Variants in RASIP1 observed in about 807,000 individuals in gnomAD.
RASIP1 encodes the protein Ras interacting protein 1.
A neutral mutation model predicts 85.3 loss-of-function variants in RASIP1; 20 were observed. The ratio of observed to expected loss-of-function variants is 0.23; its 90% CI spans 0.17 to 0.34. The LOEUF (loss-of-function observed/expected upper bound fraction) is 0.34. Ranked by LOEUF, RASIP1 falls within the 10% of genes least tolerant of loss-of-function variation. RASIP1 has a pLI of 1.00. For synonymous variants in RASIP1, 617 were observed against 647.1 expected, an observed-to-expected ratio of 0.95 and a Z score of 0.71; for missense variants, 1,170 against 1,390.9, an observed-to-expected ratio of 0.84 and a Z score of 2.53.
intron 4 of RASIP1, among the ~76,000 whole-genome samples, chr19:48,732,458 G>A (rs370160362): frequency 1.3e-5 from 2 of 151,894 alleles, no homozygotes; most frequent in East Asian, 1.9e-4. Context: ...GTTTCACCGT[G>A]TTAGCCAGGA....
Position 48,729,568 on chromosome 19 carries a change from G to A in RASIP1, c.1202C>T (p.Thr401Met), listed in dbSNP as rs746748606. ...DAQDFVVYVMTREQHVFGRGG... is the reference protein window; with the variant it reads ...DAQDFVVYVMMREQHVFGRGG... ...TCGCCCAAACACGTGCTGCTCTCGC[G>A]TCATCACATACACCACAAAGTCCTG... is the stretch of plus-strand genomic sequence containing the variant. Residue 401 changes from threonine (T) to methionine (M), a missense_variant, in exon 5 of 12, where the codon ACG becomes ATG. This residue lies in a region of RASIP1 where 301 missense variants were observed against 294.8 expected (regional missense o/e 1.02). Transcript: ENST00000222145. The A allele has an allele frequency of 5.6e-6, 9 of 1,600,248 alleles. No individual in the cohort carries two copies. The highest frequency in any genetic ancestry group is 3.4e-5 in the Admixed American group (2 of 58,456).
rs1601262436 is a variant in RASIP1, at chr19:48,720,735, C to A, written c.*63G>T. On this transcript the variant is annotated 3_prime_UTR_variant, in exon 12 of 12. Transcript: ENST00000222145. ...ACTCCCAGAAAGCTTTGCGCTCAGGCGGGCTCCTGTCCGTAGAAGCCCGTG... is the reference window on the plus strand; with the variant it reads ...ACTCCCAGAAAGCTTTGCGCTCAGGAGGGCTCCTGTCCGTAGAAGCCCGTG... 1.3e-6 allele frequency: 2 copies of A among 1,538,902 alleles called. No homozygotes were observed. The highest frequency in any genetic ancestry group is 1.8e-6 in the Non-Finnish European group (2 of 1,114,954).
Position 48,720,650 on chromosome 19 carries a change from C to A in RASIP1, c.*148G>T. On this transcript the variant is annotated 3_prime_UTR_variant, in exon 12 of 12. Coordinates refer to ENST00000222145, the MANE Select transcript of RASIP1 (RefSeq NM_017805.3). The stretch of plus-strand genomic sequence containing the variant: ...CATCCTAAGCCCATGCTCCCACCGT[C>A]CCATCCGCTACTTCCCGAAAACTCA... The A allele has an allele frequency of 1.2e-6, 1 of 839,612 alleles. No homozygotes were observed. The highest frequency in any genetic ancestry group is 1.9e-6 in the Non-Finnish European group (1 of 514,112). 52.0% of individuals were successfully genotyped at this position (839,612 alleles called of 1,614,324 possible). A position where few individuals can be genotyped will look rare whatever the true frequency, so the allele number is the denominator to read the frequency against.
intron 6 of RASIP1, 42 bp downstream of exon 6, chr19:48,727,351 C>G: frequency 6.2e-7 from 1 of 1,606,166 alleles, no homozygotes; most frequent in Non-Finnish European, 8.5e-7. Flanking sequence ...AAAACCCAAC[C>G]CCTGCATCCC....
intron 4 of RASIP1, among the ~76,000 whole-genome samples, chr19:48,734,623 G>T (rs1170748004): frequency 6.6e-6 from 1 of 152,080 alleles, no homozygotes; most frequent in Non-Finnish European, 1.5e-5. Context: ...GAGTAGCTGG[G>T]ATTACAGGCG....
chr19:48,728,718 C>G (rs938100692), intron 5 of RASIP1, among the ~76,000 whole-genome samples: 1 of 152,124 alleles, frequency 6.6e-6, no homozygotes, highest in Non-Finnish European at 1.5e-5. Context: ...GAACCAAGAC[C>G]GCCACTGCAC....
chr19:48,740,484 G>A lies in RASIP1; in HGVS notation c.-5+37C>T, dbSNP rs2033654940. 2 of 1,402,750 alleles carry A rather than the reference G, an allele frequency of 1.4e-6. No homozygotes were observed. Among genetic ancestry groups the A allele is most frequent in the South Asian group, 3.3e-5 (2 of 60,582 alleles). 86.9% of individuals were successfully genotyped at this position (1,402,750 alleles called of 1,614,324 possible). A position where few individuals can be genotyped will look rare whatever the true frequency, so the allele number is the denominator to read the frequency against. On this transcript the variant is annotated intron_variant, in intron 1 of 11. Coordinates refer to ENST00000222145, the MANE Select transcript of RASIP1 (RefSeq NM_017805.3). This position sits in a 1 kb window ranked among gnomAD's most constrained non-coding sequence, Gnocchi z 5.5. ...GGGGGACTGAGTCTTGGGGCCCAGG[G>A]AGGAGGGGTTTGGGCTGCTGGGTCC...
At chr19:48,736,575 A>G (rs10401740) in intron 3 of RASIP1, among the ~76,000 whole-genome samples, 6,853 of 152,198 alleles carry the variant, frequency 0.045, 504 homozygotes, top group African/African-American at 0.16. Flanking sequence ...ACCACTGGGT[A>G]CTCTGAGCTT....
In RASIP1 at chr19:48,738,979, G is replaced by T. The variant is rs1260841476; in HGVS notation, c.804C>A (p.Phe268Leu). Residue 268 changes from phenylalanine to leucine, a missense_variant, in exon 3 of 12, where the codon TTC becomes TTA. Physicochemically the swap from Phe to Leu is conservative, Grantham distance 22. Transcript: ENST00000222145. This position sits in a 1 kb window ranked among gnomAD's most constrained non-coding sequence, Gnocchi z 4.0. ...EEARRLEQEA[F>L]GAADSEGTGA... ...GCTCACCTTCGCTGTCCGCGGCCCCGAAGGCCTCCTGCTCCAGGCGCCGCG... is the reference window on the plus strand; with the variant it reads ...GCTCACCTTCGCTGTCCGCGGCCCCTAAGGCCTCCTGCTCCAGGCGCCGCG... 1.7e-6 allele frequency: 2 copies of T among 1,143,940 alleles called. No homozygotes were observed. Among genetic ancestry groups the T allele is most frequent in the South Asian group, 7.6e-5 (2 of 26,490 alleles). The allele number at this position is 1,143,940 out of a possible 1,614,324, so 70.9% of individuals were successfully genotyped here.
chr19:48,729,265 C>A lies in RASIP1; in HGVS notation c.1505G>T (p.Trp502Leu), dbSNP rs983493832. The change falls in exon 5 of 12, where the codon TGG becomes TTG. Residue 502 changes from tryptophan to leucine, a missense_variant. Around this residue, in one of 4 missense-constraint regions of RASIP1, gnomAD observed 426 missense variants for 576.2 expected, o/e 0.74. Transcript: ENST00000222145. ...CGTGGCCCCGGGGCGCGCGGGCAGC[C>A]ACGGCGGCCTCGCAGGCCCCGAGCC... The part of the protein sequence containing the change: ...TGGSGPARPP[W>L]LPARPGATPP... 20 of 1,502,894 alleles carry A rather than the reference C, an allele frequency of 1.3e-5. No individual in the cohort carries two copies. Among genetic ancestry groups the A allele is most frequent in the Non-Finnish European group, 1.8e-5 (20 of 1,130,150 alleles). The allele number at this position is 1,502,894 out of a possible 1,614,324, so 93.1% of individuals were successfully genotyped here. A position where few individuals can be genotyped will look rare whatever the true frequency, so the allele number is the denominator to read the frequency against.
At position 48,739,129 on chromosome 19, in the gene RASIP1, G is replaced by C; in HGVS notation, c.654C>G (p.Ser218Arg). The C allele has an allele frequency of 7.4e-7, 1 of 1,347,170 alleles. No homozygotes were observed. The highest frequency in any genetic ancestry group is 1.8e-5 in the South Asian group (1 of 54,218). The allele number at this position is 1,347,170 out of a possible 1,614,324, so 83.5% of individuals were successfully genotyped here. The change falls in exon 3 of 12, where the codon AGC becomes AGG. Residue 218 changes from serine (S) to arginine (R), a missense_variant. This residue lies in a region of RASIP1 where 299 missense variants were observed against 394.4 expected (regional missense o/e 0.76). Transcript: ENST00000222145. The surrounding 1 kb of genome is among the most constrained non-coding windows in gnomAD (Gnocchi z 9.2). ...GCAGGTGCTCCGCCCGCCACTCGCC[G>C]CTTCCCACGCCCGCCGCCGCGGGCC... ...LGRPAAAGVGSGEWRAEHLRV... is the reference protein window; with the variant it reads ...LGRPAAAGVGRGEWRAEHLRV...
In RASIP1 at chr19:48,727,120, T is replaced by C; in HGVS notation, c.1910A>G (p.Glu637Gly). The change falls in exon 7 of 12, where the codon GAA becomes GGA. Residue 637 changes from glutamate to glycine, a missense_variant. By Grantham distance (98) the Glu-to-Gly change is moderately conservative. Around this residue, in one of 4 missense-constraint regions of RASIP1, gnomAD observed 426 missense variants for 576.2 expected, o/e 0.74. Coordinates refer to ENST00000222145, the MANE Select transcript of RASIP1 (RefSeq NM_017805.3). Reference sequence around the variant, plus strand: ...TGGCCGCAGCTCCACAGACACAGCTTCAGGAGTCAGGGGCACCTCGGGGAC... The same window carrying C: ...TGGCCGCAGCTCCACAGACACAGCTCCAGGAGTCAGGGGCACCTCGGGGAC... Reference protein sequence around the residue: ...EGVPEVPLTPEAVSVELRPLM... With the variant: ...EGVPEVPLTPGAVSVELRPLM... The C allele has an allele frequency of 6.2e-7, 1 of 1,614,126 alleles. No homozygotes were observed. Among genetic ancestry groups the C allele is most frequent in the South Asian group, 1.1e-5 (1 of 91,084 alleles).
At chr19:48,729,651 C>A in intron 4 of RASIP1, 61 bp from the exon 5 acceptor site, 1 of 1,483,094 alleles carries the variant, frequency 6.7e-7, no homozygotes, top group South Asian at 1.2e-5. Flanking sequence ...CAGATCTGTT[C>A]TCTCTGTTTT....
Position 48,738,934 on chromosome 19 carries a change from GC to G in RASIP1, c.823+25del. The G allele has an allele frequency of 1.7e-6, 1 of 574,126 alleles. No homozygotes were observed. The highest frequency in any genetic ancestry group is 2.0e-6 in the Non-Finnish European group (1 of 493,660). The allele number at this position is 574,126 out of a possible 1,614,324, so 35.6% of individuals were successfully genotyped here. A position where few individuals can be genotyped will look rare whatever the true frequency, so the allele number is the denominator to read the frequency against. ...CCCGCCTCTCTGGCACCGAGTCCCC[GC>G]CCCAGAGCCCCGCCCGCCGCTCACC... is the stretch of plus-strand genomic sequence containing the variant. On this transcript the variant is annotated intron_variant, in intron 3 of 11. Coordinates refer to ENST00000222145, the MANE Select transcript of RASIP1 (RefSeq NM_017805.3). The surrounding 1 kb of genome is among the most constrained non-coding windows in gnomAD (Gnocchi z 4.0).
chr19:48,724,957 G>C lies in RASIP1; in HGVS notation c.2131C>G (p.Leu711Val). 6.2e-7 allele frequency: 1 copy of C among 1,610,148 alleles called. No homozygotes were observed. Among genetic ancestry groups the C allele is most frequent in the Non-Finnish European group, 8.5e-7 (1 of 1,176,578 alleles). ...AGGAGAGCAGGCAGCGTTGAATAGA[G>C]AGTCTGAGAAAATAGAGAAGTGGAA... ...QQSVYYLTKT[L>V]YSTLPALLDS... The change falls in exon 9 of 12, where the codon CTC becomes GTC. Residue 711 changes from leucine to valine, a missense_variant. Physicochemically the swap from Leu to Val is conservative, Grantham distance 32. Coordinates refer to ENST00000222145, the MANE Select transcript of RASIP1 (RefSeq NM_017805.3). This position sits in a 1 kb window ranked among gnomAD's most constrained non-coding sequence, Gnocchi z 4.6.
chr19:48,727,867 T>A (rs1010914565), intron 5 of RASIP1, among the ~76,000 whole-genome samples: 1 of 151,934 alleles, frequency 6.6e-6, no homozygotes, highest in African/African-American at 2.4e-5. Context: ...TTTGCATTTT[T>A]AGTAGAGACG....
intron 3 of RASIP1, among the ~76,000 whole-genome samples, chr19:48,736,442 C>G (rs949581575): frequency 2.6e-5 from 4 of 152,074 alleles, no homozygotes; most frequent in Admixed American, 1.3e-4. Flanking sequence ...TATTGACTAC[C>G]TACTACATGC....
intron 8 of RASIP1, 180 bp from the exon 9 acceptor site, chr19:48,725,140 A>G: frequency 3.0e-6 from 2 of 663,928 alleles, no homozygotes; most frequent in Non-Finnish European, 5.0e-6. Flanking sequence ...AAGGGTATAC[A>G]AGTTTCTCGA....
In RASIP1 at chr19:48,729,192, G is replaced by T; in HGVS notation, c.1578C>A (p.Gly526=). The T allele has an allele frequency of 7.8e-7, 1 of 1,287,544 alleles. No individual in the cohort carries two copies. 79.8% of individuals were successfully genotyped at this position (1,287,544 alleles called of 1,614,324 possible). Residue 526 remains glycine (G), a synonymous_variant, in exon 5 of 12, where the codon GGC becomes GGA. Coordinates refer to ENST00000222145, the MANE Select transcript of RASIP1 (RefSeq NM_017805.3). ...CCAGTGCCTCGCCGCGCTCCTGCAG[G>T]CCGCGGCCGCACAGGCGACAGGAGA... is the stretch of plus-strand genomic sequence containing the variant. ...WAFSCRLCGR[G]LQERGEALAA...
Sources: allele counts gnomAD v4.1 joint callset (sites outside exome capture counted in the v4.1 genomes callset), GRCh38; gene constraint gnomAD v4.1.1; regional missense constraint gnomAD v4.1.1; non-coding constraint Gnocchi (gnomAD v3.1); transcripts MANE v1.5; gene names NCBI Gene and HGNC (gene_info 2026-07-23, HGNC 2026-07-21).